PLCL1: variants seen among roughly 807,000 people sequenced by gnomAD.
PLCL1 encodes the protein inactive phospholipase C-like protein 1.
PLCL1 carries 41 observed loss-of-function variants against 84.4 expected under a neutral mutation model. That is an observed-to-expected ratio of 0.49 (90% CI 0.38 to 0.63). The LOEUF is 0.63. Ranked by LOEUF, PLCL1 falls within the 30% of genes least tolerant of loss-of-function variation. The pLI is 0.00. For synonymous variants in PLCL1, 490 were observed against 488.3 expected, an observed-to-expected ratio of 1.00 and a Z score of -0.05; for missense variants, 1,206 against 1,367.8, an observed-to-expected ratio of 0.88 and a Z score of 1.87.
At chr2:197,825,661 G>A (rs898569151) in intron 1 of PLCL1, among the ~76,000 whole-genome samples, 4 of 152,156 alleles carry the variant, frequency 2.6e-5, no homozygotes, top group Admixed American at 6.6e-5. Flanking sequence ...TGCTAGGTTC[G>A]CTTTCCTTAA....
intron 1 of PLCL1, among the ~76,000 whole-genome samples, chr2:197,959,744 A>G (rs1339168204): frequency 1.3e-5 from 2 of 152,088 alleles, no homozygotes; most frequent in Admixed American, 6.6e-5. Flanking sequence ...TCTTGGGAAA[A>G]AAAACAACAA....
rs182813897 is a variant in PLCL1 at position 198,135,830 on chromosome 2, C to T, written c.3106-10950C>T. Among the ~76,000 whole-genome samples, 344 of 152,296 alleles carry T rather than the reference C, an allele frequency of 2.3e-3. 1 individual carries two copies. The highest frequency in any genetic ancestry group is 7.8e-3 in the African/African-American group (323 of 41,574). Reference sequence around the variant, plus strand: ...AATGATTTCAGCTCATTTTTACTTTCTCTGCTGGCTTAAATGAAACAGCTG... The same window carrying T: ...AATGATTTCAGCTCATTTTTACTTTTTCTGCTGGCTTAAATGAAACAGCTG... On this transcript the variant is annotated intron_variant, in intron 5 of 5. Transcript: ENST00000428675.
chr2:197,911,127 G>A (rs1355099005), intron 1 of PLCL1, among the ~76,000 whole-genome samples: 2 of 152,050 alleles, frequency 1.3e-5, no homozygotes, highest in Non-Finnish European at 2.9e-5. Context: ...CAGATCACTT[G>A]AGCTCACAAG....
At chr2:197,908,955 T>C (rs980920859) in intron 1 of PLCL1, among the ~76,000 whole-genome samples, 2 of 152,200 alleles carry the variant, frequency 1.3e-5, no homozygotes, top group East Asian at 3.8e-4. Context: ...TTGATGATAA[T>C]GGTTATTTAA....
chr2:197,879,842 C>T (rs1316024664), intron 1 of PLCL1, among the ~76,000 whole-genome samples: 3 of 152,080 alleles, frequency 2.0e-5, no homozygotes, highest in Non-Finnish European at 4.4e-5. Context: ...TTTAATCCCA[C>T]TAAATTCTGC....
chr2:198,001,617 C>A (rs2099867932), intron 1 of PLCL1, among the ~76,000 whole-genome samples: 1 of 152,154 alleles, frequency 6.6e-6, no homozygotes, highest in South Asian at 2.1e-4. Flanking sequence ...AGAGGTTGAT[C>A]CATTTTTTTT....
intron 1 of PLCL1, among the ~76,000 whole-genome samples, chr2:197,879,720 A>G (rs1398761814): frequency 2.0e-5 from 3 of 152,134 alleles, no homozygotes; most frequent in Non-Finnish European, 2.9e-5. Flanking sequence ...TTCCTTTCCA[A>G]TTGTTCCAAA....
At chr2:197,821,540 C>A (rs1214902916) in intron 1 of PLCL1, among the ~76,000 whole-genome samples, 1 of 152,106 alleles carries the variant, frequency 6.6e-6, no homozygotes, top group Non-Finnish European at 1.5e-5. Context: ...TTGGGCCACC[C>A]CTTAAGATGT....
intron 1 of PLCL1, among the ~76,000 whole-genome samples, chr2:197,858,677 A>G (rs1687375887): frequency 6.6e-6 from 1 of 152,206 alleles, no homozygotes. Context: ...CAAAATAATC[A>G]TGTAAAGCAC....
At chr2:197,864,728 C>T (rs1233114240) in intron 1 of PLCL1, among the ~76,000 whole-genome samples, 1 of 152,086 alleles carries the variant, frequency 6.6e-6, no homozygotes, top group Non-Finnish European at 1.5e-5. Flanking sequence ...CCTGCCTTGG[C>T]CTCCCAAAGT....
intron 1 of PLCL1, among the ~76,000 whole-genome samples, chr2:197,866,244 G>A (rs1687541066): frequency 6.9e-6 from 1 of 144,798 alleles, no homozygotes; most frequent in South Asian, 2.2e-4. Context: ...TGAATAGCTA[G>A]GCAGAAATTT....
At chr2:197,908,213 A>G (rs1207045547) in intron 1 of PLCL1, among the ~76,000 whole-genome samples, 1 of 152,256 alleles carries the variant, frequency 6.6e-6, no homozygotes, top group Non-Finnish European at 1.5e-5. Flanking sequence ...TGAGCAACCC[A>G]TGGGGAAATC....
intron 1 of PLCL1, among the ~76,000 whole-genome samples, chr2:197,888,562 G>A (rs1687961520): frequency 1.3e-5 from 2 of 152,144 alleles, no homozygotes; most frequent in South Asian, 4.1e-4. Context: ...CTCAACTATA[G>A]AGTGAGGATA....
chr2:197,979,508 AC>A (rs1690060312), intron 1 of PLCL1, among the ~76,000 whole-genome samples: 1 of 152,114 alleles, frequency 6.6e-6, no homozygotes, highest in African/African-American at 2.4e-5. Context: ...CCTCTCTGCC[AC>A]CAGCTTCATC....
chr2:197,943,227 C>T (rs2105776234), intron 1 of PLCL1, among the ~76,000 whole-genome samples: 1 of 151,032 alleles, frequency 6.6e-6, no homozygotes, highest in East Asian at 1.9e-4. Flanking sequence ...AATCAGAATT[C>T]CCACATTCTC....
intron 1 of PLCL1, among the ~76,000 whole-genome samples, chr2:198,029,959 C>A (rs1223918239): frequency 2.0e-5 from 3 of 151,946 alleles, no homozygotes; most frequent in African/African-American, 7.3e-5. Flanking sequence ...CTCAGCCTCC[C>A]AAAGTGCTGG....
chr2:198,086,227 A>G lies in PLCL1; in HGVS notation c.2710A>G (p.Met904Val), dbSNP rs988419831. The G allele has an allele frequency of 6.3e-7, 1 of 1,591,544 alleles. No homozygotes were observed. Among genetic ancestry groups the G allele is most frequent in the African/African-American group, 1.4e-5 (1 of 71,028 alleles). The change falls in exon 2 of 6, where the codon ATG becomes GTG. Residue 904 changes from methionine to valine, a missense_variant. By Grantham distance (21) the Met-to-Val change is conservative. Transcript: ENST00000428675. The part of the protein sequence containing the change: ...LREAIDMREN[M>V]QNAIVSIKEL... ...AGAAGCCATAGATATGAGAGAAAAT[A>G]TGCAGGTAGGAGAAACACTCACACT... is the stretch of plus-strand genomic sequence containing the variant.
rs866238817 is a variant in PLCL1 at position 197,848,987 on chromosome 2, A to G, written c.240+43648A>G. 2.6e-5 allele frequency among the ~76,000 whole-genome samples: 4 copies of G among 152,172 alleles called. No homozygotes were observed. In the South Asian group the frequency reaches 8.3e-4, roughly 32 times the overall value. ...GGTATTCTGATATACTTCACAAAGT[A>G]TATTTTATGCCCTAGGTGCTAAGTG... On this transcript the variant is annotated intron_variant, in intron 1 of 5. Coordinates refer to ENST00000428675, the MANE Select transcript of PLCL1 (RefSeq NM_006226.4).
chr2:198,073,177 G>A (rs1254463989), intron 1 of PLCL1, among the ~76,000 whole-genome samples: 1 of 152,136 alleles, frequency 6.6e-6, no homozygotes, highest in African/African-American at 2.4e-5. Flanking sequence ...TATGGACTTT[G>A]AGTTTTATTA....
Sources: allele counts gnomAD v4.1 joint callset (sites outside exome capture counted in the v4.1 genomes callset), GRCh38; gene constraint gnomAD v4.1.1; transcripts MANE v1.5; gene names NCBI Gene and HGNC (gene_info 2026-07-23, HGNC 2026-07-21).